Variants in ADAM22 observed in about 807,000 individuals in gnomAD.
ADAM22 encodes the protein disintegrin and metalloproteinase domain-containing protein 22.
In ADAM22, 65 loss-of-function variants were observed where a neutral mutation model predicts 144.6. The ratio of observed to expected loss-of-function variants is 0.45; its 90% confidence interval spans 0.37 to 0.55. ADAM22 has a LOEUF of 0.55. Among genes scored for constraint, ADAM22 ranks in the 20% least tolerant of loss-of-function variants. ADAM22 has a pLI of 0.00. For synonymous variants in ADAM22, 391 were observed against 412.6 expected (o/e 0.95, Z 0.63); for missense variants, 974 against 1,184.9 (o/e 0.82, Z 2.61).
At chr7:88,141,488 T>G (rs1217605248) in intron 14 of ADAM22, among the ~76,000 whole-genome samples, 1 of 152,254 alleles carries the variant, frequency 6.6e-6, no homozygotes, top group Non-Finnish European at 1.5e-5. Context: ...GGACAGTTTT[T>G]GCAGGCTACT....
chr7:88,155,484 T>C (rs897451585), intron 21 of ADAM22, among the ~76,000 whole-genome samples: 4 of 139,602 alleles, frequency 2.9e-5, no homozygotes, highest in Non-Finnish European at 6.1e-5. Flanking sequence ...ATTACACCAC[T>C]ACACTCCAAC....
At chr7:88,080,904 C>T (rs1275311226) in intron 4 of ADAM22, among the ~76,000 whole-genome samples, 1 of 152,120 alleles carries the variant, frequency 6.6e-6, no homozygotes, top group Admixed American at 6.5e-5. Flanking sequence ...CTGAATTCTA[C>T]CAGAGGTACA....
intron 3 of ADAM22, among the ~76,000 whole-genome samples, chr7:88,008,475 C>G (rs2129458925): frequency 6.6e-6 from 1 of 152,202 alleles, no homozygotes; most frequent in Non-Finnish European, 1.5e-5. Context: ...GCACTATTCA[C>G]AATAGCAAAG....
rs528332544 is a variant in ADAM22, at chr7:87,983,708, CTT to C, written c.323+5304_323+5305del. Among the ~76,000 whole-genome samples the C allele has an allele frequency of 2.3e-3, 346 of 151,032 alleles. 2 individuals carry two copies. Among genetic ancestry groups the C allele is most frequent in the African/African-American group, 7.8e-3 (321 of 41,198 alleles). The stretch of plus-strand genomic sequence containing the variant: ...AATTTGGTGATAATAGCATTTTTAT[CTT>C]TTTTTTTGTAATAAAAATAACTAAT... On this transcript the variant is annotated intron_variant, in intron 3 of 31. Coordinates refer to ENST00000413139, the MANE Select transcript of ADAM22 (RefSeq NM_001324418.2).
chr7:87,958,392 AT>A (rs973200369), intron 2 of ADAM22, among the ~76,000 whole-genome samples: 6 of 147,884 alleles, frequency 4.1e-5, no homozygotes, highest in Admixed American at 1.4e-4. Context: ...TTTATTTTTT[AT>A]TTTTTTTTTG....
chr7:87,955,133 C>T (rs945030988), intron 2 of ADAM22, among the ~76,000 whole-genome samples: 23 of 152,258 alleles, frequency 1.5e-4, no homozygotes, highest in African/African-American at 5.5e-4. Flanking sequence ...CTTCTCTCAA[C>T]TCGTCAAAGT....
At chr7:88,113,693 TAAATAAATAA>T (rs1435692821) in intron 5 of ADAM22, among the ~76,000 whole-genome samples, 122 of 59,350 alleles carry the variant, frequency 2.1e-3, no homozygotes, top group African/African-American at 1.0e-2. Flanking sequence ...ATATTATAAA[TAAATAAATAA>T]ATATATATAT....
intron 20 of ADAM22, among the ~76,000 whole-genome samples, chr7:88,152,653 C>T (rs1051939090): frequency 3.3e-5 from 5 of 151,886 alleles, no homozygotes; most frequent in African/African-American, 1.2e-4. Flanking sequence ...TATTGCCTTC[C>T]CTAATTATTG....
chr7:88,095,850 AT>A (rs1821107360), intron 4 of ADAM22, among the ~76,000 whole-genome samples: 1 of 151,988 alleles, frequency 6.6e-6, no homozygotes, highest in South Asian at 2.1e-4. Flanking sequence ...GTTAGTTTTT[AT>A]TTTTATTCTT....
intron 3 of ADAM22, among the ~76,000 whole-genome samples, chr7:88,066,546 GGA>G (rs893289298): frequency 5.7e-4 from 87 of 152,182 alleles, no homozygotes; most frequent in African/African-American, 1.9e-3. Context: ...GGTGTTTAGA[GGA>G]GAATTCTAAG....
chr7:88,117,776 C>T (rs1828184611), intron 7 of ADAM22, among the ~76,000 whole-genome samples: 1 of 151,566 alleles, frequency 6.6e-6, no homozygotes, highest in Non-Finnish European at 1.5e-5. Context: ...TCACTGCAAC[C>T]TCCGCCTCCT....
chr7:88,088,022 G>A (rs559539763), intron 4 of ADAM22, among the ~76,000 whole-genome samples: 11 of 152,320 alleles, frequency 7.2e-5, no homozygotes, highest in African/African-American at 2.6e-4. Context: ...CTGGAAATGA[G>A]TAAAGGAATT....
rs1843281971 is a variant in ADAM22, at chr7:87,944,908, T to G, written c.246+9722T>G. On this transcript the variant is annotated intron_variant, in intron 2 of 31. Transcript: ENST00000413139. ...TTCGGTTCCTCCTCCTTCCTTCTTC[T>G]TCTTCCTTCCTATTCTATATGTGTG... is the stretch of plus-strand genomic sequence containing the variant. Among the ~76,000 whole-genome samples, 3 of 149,802 alleles carry G rather than the reference T, an allele frequency of 2.0e-5. No homozygotes were observed. In the South Asian group the frequency reaches 6.3e-4, roughly 32 times the overall value.
intron 2 of ADAM22, among the ~76,000 whole-genome samples, chr7:87,973,955 G>A (rs1178339683): frequency 6.6e-6 from 1 of 152,074 alleles, no homozygotes; most frequent in Admixed American, 6.6e-5. Flanking sequence ...GGGGTAGGGG[G>A]TGGGATAGCA....
intron 2 of ADAM22, among the ~76,000 whole-genome samples, chr7:87,963,239 A>G (rs992111566): frequency 1.8e-4 from 28 of 152,246 alleles, no homozygotes; most frequent in African/African-American, 6.5e-4. Flanking sequence ...TTTGCTAAGG[A>G]TGGCCCTTCA....
rs116647417 is a variant in ADAM22 at position 88,137,428 on chromosome 7, G to A, written c.1220+1397G>A. 7.8e-4 allele frequency among the ~76,000 whole-genome samples: 118 copies of A among 152,178 alleles called. 1 individual carries two copies. The highest frequency in any genetic ancestry group is 2.6e-3 in the African/African-American group (108 of 41,526). ...TTGGTTTGCTTACCATAATAGTACA[G>A]GAGTTTCTAGTTTTTTCAATTTGCT... On this transcript the variant is annotated intron_variant, in intron 14 of 31. Coordinates refer to ENST00000413139, the MANE Select transcript of ADAM22 (RefSeq NM_001324418.2).
chr7:88,046,340 A>T (rs993230174), intron 3 of ADAM22, among the ~76,000 whole-genome samples: 2 of 151,958 alleles, frequency 1.3e-5, no homozygotes, highest in African/African-American at 2.4e-5. Flanking sequence ...GTATTTTTTC[A>T]TTTACCTGTT....
intron 31 of ADAM22, among the ~76,000 whole-genome samples, chr7:88,196,260 C>T (rs1386998030): frequency 6.6e-6 from 1 of 152,116 alleles, no homozygotes; most frequent in Non-Finnish European, 1.5e-5. Flanking sequence ...CAAAAGATGG[C>T]TGCTGTTAAA....
intron 4 of ADAM22, among the ~76,000 whole-genome samples, chr7:88,078,596 T>C (rs1266085658): frequency 6.6e-6 from 1 of 152,010 alleles, no homozygotes; most frequent in Non-Finnish European, 1.5e-5. Flanking sequence ...TTAAAAACTT[T>C]GAAAAAAAAT....
Sources: gnomAD v4.1 joint callset for allele counts (sites outside exome capture counted in the v4.1 genomes callset) on GRCh38, gnomAD v4.1.1 for gene constraint, MANE v1.5 for transcripts, NCBI Gene and HGNC (gene_info 2026-07-23, HGNC 2026-07-21) for gene names.